The following INPP5A variants were observed in gnomAD, a reference collection of about 807,000 sequenced individuals.
The protein encoded by INPP5A is 43 kDa inositol polyphosphate 5-phophatase.
A neutral mutation model predicts 65.2 loss-of-function variants in INPP5A; 14 were observed. The ratio of observed to expected loss-of-function variants is 0.21; its 90% CI spans 0.14 to 0.34. The LOEUF (loss-of-function observed/expected upper bound fraction) is 0.34. Among genes scored for constraint, INPP5A ranks in the 10% least tolerant of loss-of-function variants. The pLI, the probability that INPP5A is intolerant of heterozygous loss-of-function variation, is 1.00. For synonymous variants in INPP5A, 207 were observed against 208.3 expected, an observed-to-expected ratio of 0.99 and a Z score of 0.05; for missense variants, 431 against 545.6, an observed-to-expected ratio of 0.79 and a Z score of 2.09.
In INPP5A at chr10:132,555,467, G is replaced by A. The variant is rs75156674; in HGVS notation, c.75+17296G>A. Among the ~76,000 whole-genome samples the A allele has an allele frequency of 0.024, 3,610 of 152,168 alleles. 49 individuals carry two copies. The highest frequency in any genetic ancestry group is 0.039 in the South Asian group (188 of 4,822). ...TTGGGCTGGGGCGTGGCCACGCTGG[G>A]AGGATGAGGAGCTTGAAGTGACTCA... On this transcript the variant is annotated intron_variant, in intron 1 of 15. Transcript: ENST00000368594. The surrounding 1 kb of genome is among the most constrained non-coding windows in gnomAD (Gnocchi z 4.4).
At position 132,706,644 on chromosome 10, in the gene INPP5A, C is replaced by A. The variant is rs1186137004; in HGVS notation, c.475-1669C>A. Among the ~76,000 whole-genome samples the A allele has an allele frequency of 4.6e-5, 7 of 152,090 alleles. No individual in the cohort carries two copies. Among genetic ancestry groups the A allele is most frequent in the African/African-American group, 1.4e-4 (6 of 41,408 alleles). On this transcript the variant is annotated intron_variant, in intron 6 of 15. Coordinates refer to ENST00000368594, the MANE Select transcript of INPP5A (RefSeq NM_005539.5). The surrounding 1 kb of genome is among the most constrained non-coding windows in gnomAD (Gnocchi z 4.7). The stretch of plus-strand genomic sequence containing the variant: ...GGGGCTTGGAATTTCCCTTCTTGAG[C>A]ATGAGTGGGAGCACTTAGGGAGGGG...
chr10:132,642,374 A>G (rs2072437286), intron 2 of INPP5A, among the ~76,000 whole-genome samples: 1 of 152,198 alleles, frequency 6.6e-6, no homozygotes, highest in African/African-American at 2.4e-5. Context: ...ATCCTCTCGC[A>G]TCAGGGCTGT....
At chr10:132,749,729 C>G (rs1334985264) in intron 10 of INPP5A, 42 bp from the exon 11 acceptor site, 1 of 1,602,648 alleles carries the variant, frequency 6.2e-7, no homozygotes, top group East Asian at 2.2e-5. Flanking sequence ...ACGCACAAGG[C>G]TGGGGGAGCT....
In INPP5A at chr10:132,704,137, A is replaced by G. The variant is rs987472401; in HGVS notation, c.475-4176A>G. Reference sequence around the variant, plus strand: ...GCATGTCAGGCCCCCCAGTCCCCCCAGACAGGAGGTGTCGAGGCACGGAAG... The same window carrying G: ...GCATGTCAGGCCCCCCAGTCCCCCCGGACAGGAGGTGTCGAGGCACGGAAG... On this transcript the variant is annotated intron_variant, in intron 6 of 15. Coordinates refer to ENST00000368594, the MANE Select transcript of INPP5A (RefSeq NM_005539.5). This position sits in a 1 kb window ranked among gnomAD's most constrained non-coding sequence, Gnocchi z 4.5. Among the ~76,000 whole-genome samples the G allele has an allele frequency of 6.6e-5, 10 of 151,696 alleles. No individual in the cohort carries two copies. Among genetic ancestry groups the G allele is most frequent in the African/African-American group, 1.9e-4 (8 of 41,248 alleles).
intron 9 of INPP5A, among the ~76,000 whole-genome samples, chr10:132,737,696 C>T (rs561508687): frequency 4.6e-5 from 7 of 152,340 alleles, no homozygotes; most frequent in East Asian, 1.9e-4. Context: ...TGAGCTAAGC[C>T]GTGCTGCTCG....
At chr10:132,731,643 C>T (rs1248692583) in intron 9 of INPP5A, among the ~76,000 whole-genome samples, 1 of 152,196 alleles carries the variant, frequency 6.6e-6, no homozygotes, top group Non-Finnish European at 1.5e-5. Flanking sequence ...GGTGGCTGAG[C>T]CTCCGTTGCA....
intron 1 of INPP5A, among the ~76,000 whole-genome samples, chr10:132,606,176 G>A (rs1185829033): frequency 6.6e-6 from 1 of 152,200 alleles, no homozygotes; most frequent in Non-Finnish European, 1.5e-5. Context: ...ACCCTCGATG[G>A]GGACTTGCTG....
chr10:132,589,667 A>C (rs573082920), intron 1 of INPP5A, among the ~76,000 whole-genome samples: 58 of 152,322 alleles, frequency 3.8e-4, no homozygotes, highest in African/African-American at 1.3e-3. Context: ...GCCAGGGCCC[A>C]GGCAGTGCTT....
chr10:132,710,573 G>T (rs1241962931), intron 8 of INPP5A, 117 bp downstream of exon 8: 1 of 1,352,842 alleles, frequency 7.4e-7, no homozygotes, highest in African/African-American at 1.5e-5. Context: ...GGTCGGTGTG[G>T]GTGGACAGGT....
intron 2 of INPP5A, among the ~76,000 whole-genome samples, chr10:132,621,022 T>C (rs2072100783): frequency 6.6e-6 from 1 of 152,206 alleles, no homozygotes; most frequent in Non-Finnish European, 1.5e-5. Flanking sequence ...AGAAAAGCCA[T>C]ATGATCATCT....
intron 1 of INPP5A, among the ~76,000 whole-genome samples, chr10:132,568,433 G>A (rs1185256847): frequency 6.6e-6 from 1 of 151,784 alleles, no homozygotes; most frequent in Non-Finnish European, 1.5e-5. Context: ...TGTAAATTAA[G>A]AATTTTTGTG....
At position 132,633,625 on chromosome 10, in the gene INPP5A, T is replaced by C. The variant is rs575136095; in HGVS notation, c.118-12243T>C. Among the ~76,000 whole-genome samples, 31 of 152,300 alleles carry C rather than the reference T, an allele frequency of 2.0e-4. No individual in the cohort carries two copies. In the South Asian group the frequency reaches 6.2e-3, roughly 31 times the overall value. ...AAACAGAGATTCCCTCTTTTCTCCC[T>C]GGCCTTGCCATTATGAGACCAGGAA... On this transcript the variant is annotated intron_variant, in intron 2 of 15. Transcript: ENST00000368594.
intron 12 of INPP5A, among the ~76,000 whole-genome samples, chr10:132,774,471 G>A (rs1847009831): frequency 6.6e-6 from 1 of 152,364 alleles, no homozygotes; most frequent in African/African-American, 2.4e-5. Flanking sequence ...AGCACAGCTC[G>A]GGGAGTTGGC....
Position 132,674,090 on chromosome 10 carries a change from ATTAT to A in INPP5A, c.307-16298_307-16295del, listed in dbSNP as rs2072931252. Among the ~76,000 whole-genome samples, 1 of 152,224 alleles carries A rather than the reference ATTAT, an allele frequency of 6.6e-6. No homozygotes were observed. The highest frequency in any genetic ancestry group is 2.4e-5 in the African/African-American group (1 of 41,452). On this transcript the variant is annotated intron_variant, in intron 4 of 15. Coordinates refer to ENST00000368594, the MANE Select transcript of INPP5A (RefSeq NM_005539.5). This position sits in a 1 kb window ranked among gnomAD's most constrained non-coding sequence, Gnocchi z 4.4. ...CAGAAGGGGTCATCCTGTCCACTTG[ATTAT>A]TTAAATGCTCCTCTGCTGAGGTCAC... is the stretch of plus-strand genomic sequence containing the variant.
chr10:132,629,870 C>T (rs1220939077), intron 2 of INPP5A, among the ~76,000 whole-genome samples: 3 of 152,062 alleles, frequency 2.0e-5, no homozygotes, highest in Non-Finnish European at 4.4e-5. Context: ...GGGAAGCTGC[C>T]CTCCAGGGAA....
chr10:132,673,853 A>C (rs1276997158), intron 4 of INPP5A, among the ~76,000 whole-genome samples: 1 of 152,230 alleles, frequency 6.6e-6, no homozygotes, highest in Non-Finnish European at 1.5e-5. Context: ...GACCACTCCA[A>C]GGAATGGTGC....
intron 2 of INPP5A, among the ~76,000 whole-genome samples, chr10:132,645,568 C>G (rs976648112): frequency 6.6e-6 from 1 of 152,222 alleles, no homozygotes; most frequent in African/African-American, 2.4e-5. Context: ...ACACGCATAA[C>G]ATTTTTTTAA....
chr10:132,627,864 G>C lies in INPP5A; in HGVS notation c.118-18004G>C, dbSNP rs2072209463. Reference sequence around the variant, plus strand: ...GGAAACCGGGAGGGGTGAGGCCGTGGAGAGAGCCGTGTGGGGGAGGTGCCC... The same window carrying C: ...GGAAACCGGGAGGGGTGAGGCCGTGCAGAGAGCCGTGTGGGGGAGGTGCCC... On this transcript the variant is annotated intron_variant, in intron 2 of 15. Transcript: ENST00000368594. This position sits in a 1 kb window ranked among gnomAD's most constrained non-coding sequence, Gnocchi z 6.6. Among the ~76,000 whole-genome samples, 1 of 152,176 alleles carries C rather than the reference G, an allele frequency of 6.6e-6. No individual in the cohort carries two copies. Among genetic ancestry groups the C allele is most frequent in the African/African-American group, 2.4e-5 (1 of 41,440 alleles).
At chr10:132,682,104 G>C (rs2073055382) in intron 4 of INPP5A, among the ~76,000 whole-genome samples, 1 of 152,222 alleles carries the variant, frequency 6.6e-6, no homozygotes, top group Non-Finnish European at 1.5e-5. Context: ...AACAGTTTCA[G>C]CTGGGAAGGT....
Sources: allele counts gnomAD v4.1 joint callset (sites outside exome capture counted in the v4.1 genomes callset), GRCh38; gene constraint gnomAD v4.1.1; non-coding constraint Gnocchi (gnomAD v3.1); transcripts MANE v1.5; gene names NCBI Gene and HGNC (gene_info 2026-07-23, HGNC 2026-07-21).